Variants in SCAF4 observed in about 807,000 individuals in gnomAD.
The protein encoded by SCAF4 is SR-related and CTD-associated factor 4.
SCAF4 carries 25 observed loss-of-function variants against 129.8 expected under a neutral mutation model. The observed-to-expected ratio is 0.19, with a 90% CI of 0.14 to 0.27. The LOEUF is 0.27. SCAF4 is among the 10% of genes least tolerant of loss of function. The pLI, the probability that SCAF4 is intolerant of heterozygous loss-of-function variation, is 1.00. For synonymous variants in SCAF4, 551 were observed against 497.7 expected (o/e 1.11, Z -1.43); for missense variants, 1,246 against 1,457.1 (o/e 0.86, Z 2.36).
Position 31,671,145 on chromosome 21 carries a change from C to A in SCAF4, c.*254G>T. On this transcript the variant is annotated 3_prime_UTR_variant, in exon 20 of 20. Transcript: ENST00000286835. ...AAAAAATAGAGAGCACTTCTAATTA[C>A]GATTTGTAAACTTTTTAAAGTCAAA... The A allele has an allele frequency of 1.1e-5, 4 of 350,606 alleles. No individual in the cohort carries two copies. In the South Asian group the frequency reaches 3.1e-4, roughly 27 times the overall value. The allele number at this position is 350,606 out of a possible 1,614,324, so 21.7% of individuals were successfully genotyped here.
At chr21:31,708,492 A>G (rs2050722717) in intron 1 of SCAF4, among the ~76,000 whole-genome samples, 1 of 152,218 alleles carries the variant, frequency 6.6e-6, no homozygotes, top group Non-Finnish European at 1.5e-5. Context: ...AATTCTAAAA[A>G]TATCAACACT....
At chr21:31,674,400 C>T (rs889563512) in intron 19 of SCAF4, among the ~76,000 whole-genome samples, 1 of 152,040 alleles carries the variant, frequency 6.6e-6, no homozygotes, top group African/African-American at 2.4e-5. Context: ...AAATCCTTTC[C>T]CTTCTTCGTA....
intron 1 of SCAF4, among the ~76,000 whole-genome samples, chr21:31,711,076 C>G (rs1601249889): frequency 6.6e-6 from 1 of 152,186 alleles, no homozygotes; most frequent in East Asian, 1.9e-4. Context: ...TCCCCAGCAG[C>G]TGGAACTATA....
Position 31,702,416 on chromosome 21 carries a change from T to A in SCAF4, c.322-37A>T, listed in dbSNP as rs750910407. 1.6e-5 allele frequency: 25 copies of A among 1,583,694 alleles called. No individual in the cohort carries two copies. The East Asian group carries it at 5.6e-4, about 36-fold the overall frequency. ...GAGAAACACAAATATACAATAAATA[T>A]TTGCATAAATAACCGATTATACTCT... On this transcript the variant is annotated intron_variant, in intron 4 of 19. Transcript: ENST00000286835.
chr21:31,689,472 T>C (rs1203531503), intron 15 of SCAF4, among the ~76,000 whole-genome samples: 1 of 150,648 alleles, frequency 6.6e-6, no homozygotes, highest in Admixed American at 6.6e-5. Flanking sequence ...TAATTTTTTT[T>C]TTTTTTTTTG....
intron 19 of SCAF4, 34 bp downstream of exon 19, chr21:31,685,004 GGGGGGTGGGGC>G: frequency 1.3e-6 from 1 of 742,970 alleles, no homozygotes; most frequent in Non-Finnish European, 2.2e-6. Context: ...GGGGGTGGGG[GGGGGGTGGGGC>G]AAGGAAAACT....
chr21:31,712,068 C>T (rs1216906172), intron 1 of SCAF4, among the ~76,000 whole-genome samples: 2 of 151,968 alleles, frequency 1.3e-5, no homozygotes, highest in Non-Finnish European at 2.9e-5. Flanking sequence ...TCAATTTTAC[C>T]TTAGGGCATG....
At chr21:31,675,995 G>C (rs1047959046) in intron 19 of SCAF4, among the ~76,000 whole-genome samples, 3 of 152,150 alleles carry the variant, frequency 2.0e-5, no homozygotes, top group African/African-American at 4.8e-5. Context: ...GAATAGGGTG[G>C]CTTTCTGTCA....
intron 19 of SCAF4, among the ~76,000 whole-genome samples, chr21:31,678,700 T>TC (rs1177004169): frequency 6.6e-6 from 1 of 152,184 alleles, no homozygotes; most frequent in African/African-American, 2.4e-5. Context: ...AGGCCCCCTT[T>TC]CCTTTGGTCC....
At chr21:31,713,702 G>GT (rs1018193331) in intron 1 of SCAF4, among the ~76,000 whole-genome samples, 1 of 114,900 alleles carries the variant, frequency 8.7e-6, no homozygotes, top group African/African-American at 3.3e-5. Context: ...TAATGTGTAG[G>GT]TTCCTTCAAA....
chr21:31,678,652 G>A (rs951985941), intron 19 of SCAF4, among the ~76,000 whole-genome samples: 2 of 151,982 alleles, frequency 1.3e-5, no homozygotes, highest in South Asian at 4.1e-4. Flanking sequence ...CTCCCTTCCT[G>A]CTGTGGTCCT....
intron 18 of SCAF4, 57 bp downstream of exon 18, chr21:31,685,341 C>T (rs2050093156): frequency 3.9e-6 from 6 of 1,521,664 alleles, no homozygotes; most frequent in Non-Finnish European, 4.5e-6. Flanking sequence ...GCTTCACTCT[C>T]CCTCCTACAC....
At chr21:31,682,708 T>C (rs2050025200) in intron 19 of SCAF4, among the ~76,000 whole-genome samples, 2 of 152,206 alleles carry the variant, frequency 1.3e-5, no homozygotes, top group South Asian at 4.1e-4. Flanking sequence ...GCATAACAAT[T>C]CCTTTTATTA....
intron 1 of SCAF4, chr21:31,712,873 A>G (rs1315688654): frequency 3.1e-6 from 3 of 973,168 alleles, no homozygotes; most frequent in South Asian, 4.8e-5. Flanking sequence ...CCTTCTTTAT[A>G]AAACTGTTAA....
At position 31,685,828 on chromosome 21, in the gene SCAF4, A is replaced by G. The variant is rs533305503; in HGVS notation, c.2044-95T>C. ...AAAGAGCAAACTGTTGAAAAAATAG[A>G]TGTTTCTTAATTTGTGCTTATTAGA... On this transcript the variant is annotated intron_variant, in intron 16 of 19. Coordinates refer to ENST00000286835, the MANE Select transcript of SCAF4 (RefSeq NM_020706.2). 4.4e-5 allele frequency: 54 copies of G among 1,226,518 alleles called. No homozygotes were observed. In the African/African-American group the frequency reaches 7.8e-4, roughly 18 times the overall value. 76.0% of individuals were successfully genotyped at this position (1,226,518 alleles called of 1,614,324 possible). A position where few individuals can be genotyped will look rare whatever the true frequency, so the allele number is the denominator to read the frequency against.
Position 31,731,880 on chromosome 21 carries a change from A to G in SCAF4, c.-188T>C. 1.8e-6 allele frequency: 1 copy of G among 551,974 alleles called. No homozygotes were observed. Among genetic ancestry groups the G allele is most frequent in the Non-Finnish European group, 3.0e-6 (1 of 332,620 alleles). The allele number at this position is 551,974 out of a possible 1,614,324, so 34.2% of individuals were successfully genotyped here. A position where few individuals can be genotyped will look rare whatever the true frequency, so the allele number is the denominator to read the frequency against. On this transcript the variant is annotated 5_prime_UTR_variant, in exon 1 of 20. Transcript: ENST00000286835. ...GCGGGCGGCCGAGGCAGAGGCGGAG[A>G]GGTGGCGGGCCCCCTCTCAGTCCCG...
chr21:31,731,755 A>G lies in SCAF4; in HGVS notation c.-63T>C. On this transcript the variant is annotated 5_prime_UTR_variant, in exon 1 of 20. Transcript: ENST00000286835. ...TCACATAGACCTCGCGCCGCGGCGG[A>G]GCGGGGCTGGGAAACCAGCCGGGCC... 6.5e-7 allele frequency: 1 copy of G among 1,540,838 alleles called. No individual in the cohort carries two copies. The highest frequency in any genetic ancestry group is 2.6e-5 in the East Asian group (1 of 38,136).
intron 1 of SCAF4, 128 bp from the exon 2 acceptor site, chr21:31,706,485 G>C: frequency 1.6e-6 from 1 of 633,416 alleles, no homozygotes. Context: ...GGGGGTCTTA[G>C]CAGCTAGGGC....
At chr21:31,701,672 C>A in intron 6 of SCAF4, 104 bp downstream of exon 6, 1 of 1,214,460 alleles carries the variant, frequency 8.2e-7, no homozygotes, top group South Asian at 1.7e-5. Context: ...GAAAAGCAGA[C>A]GTATTTTCTC....
Sources: gnomAD v4.1 joint callset for allele counts (sites outside exome capture counted in the v4.1 genomes callset) on GRCh38, gnomAD v4.1.1 for gene constraint, MANE v1.5 for transcripts, NCBI Gene and HGNC (gene_info 2026-07-23, HGNC 2026-07-21) for gene names.